Variants in KIRREL1 observed in about 807,000 individuals in gnomAD.
The protein encoded by KIRREL1 is kin of IRRE-like protein 1.
A neutral mutation model predicts 83.3 loss-of-function variants in KIRREL1; 25 were observed. That is an observed-to-expected ratio of 0.30 (90% CI 0.22 to 0.42). The LOEUF is 0.42. Ranked by LOEUF, KIRREL1 falls within the 10% of genes least tolerant of loss-of-function variation. The probability of loss-of-function intolerance (pLI) is 1.00; values close to 1 mark genes in which losing one functional copy is unlikely to be tolerated. For synonymous variants in KIRREL1, 388 were observed against 410.4 expected (o/e 0.95, Z 0.66); for missense variants, 812 against 1,032.3 (o/e 0.79, Z 2.92).
chr1:158,038,513 G>A (rs1436430654), intron 1 of KIRREL1, among the ~76,000 whole-genome samples: 1 of 128,394 alleles, frequency 7.8e-6, no homozygotes, highest in Non-Finnish European at 1.7e-5. Context: ...TTTTTTTGGA[G>A]GCAGGGTCTC....
intron 1 of KIRREL1, among the ~76,000 whole-genome samples, chr1:158,030,320 A>G (rs1196778864): frequency 6.6e-6 from 1 of 152,234 alleles, no homozygotes; most frequent in African/African-American, 2.4e-5. Context: ...TCACATACAC[A>G]TGCCATTCAG....
At chr1:158,019,539 A>G (rs1659942676) in intron 1 of KIRREL1, among the ~76,000 whole-genome samples, 1 of 152,078 alleles carries the variant, frequency 6.6e-6, no homozygotes, top group African/African-American at 2.4e-5. Context: ...AAGGCCACAG[A>G]CACATCCCAG....
chr1:158,083,710 A>G (rs1480981870), intron 3 of KIRREL1, among the ~76,000 whole-genome samples: 1 of 152,182 alleles, frequency 6.6e-6, no homozygotes, highest in Non-Finnish European at 1.5e-5. Context: ...GAGAAGTGCT[A>G]TGGAGGTAGC....
intron 1 of KIRREL1, among the ~76,000 whole-genome samples, chr1:158,023,892 A>G (rs1327254805): frequency 6.6e-6 from 1 of 152,132 alleles, no homozygotes; most frequent in East Asian, 1.9e-4. Flanking sequence ...TAAAATGGAG[A>G]TAGGAATGTG....
At chr1:158,081,054 C>T (rs1661838192) in intron 3 of KIRREL1, among the ~76,000 whole-genome samples, 1 of 142,046 alleles carries the variant, frequency 7.0e-6, no homozygotes, top group Non-Finnish European at 1.6e-5. Flanking sequence ...GGCCAGGGGC[C>T]CTCTTCACAA....
Position 158,094,877 on chromosome 1 carries a change from C to A in KIRREL1, c.2031C>A (p.Asp677Glu). 1 of 1,614,006 alleles carries A rather than the reference C, an allele frequency of 6.2e-7. No homozygotes were observed. The highest frequency in any genetic ancestry group is 8.5e-7 in the Non-Finnish European group (1 of 1,179,920). ...GCCCTGCTGCCCCAGCTGGCACTGA[C>A]ACAACCAGCCAGCTGTCCTACGAGA... ...PPGPAAPAGTDTTSQLSYENY... is the reference protein window; with the variant it reads ...PPGPAAPAGTETTSQLSYENY... The change falls in exon 15 of 15, where the codon GAC (aspartate) becomes GAA (glutamate). Residue 677 changes from aspartate (D) to glutamate (E), a missense_variant. By Grantham distance (45) the Asp-to-Glu change is conservative. This residue lies in a region of KIRREL1 where 334 missense variants were observed against 383.7 expected (regional missense o/e 0.87). Transcript: ENST00000359209. This position sits in a 1 kb window ranked among gnomAD's most constrained non-coding sequence, Gnocchi z 4.6.
chr1:158,086,767 A>G, intron 5 of KIRREL1, 21 bp downstream of exon 5: 4 of 1,506,588 alleles, frequency 2.7e-6, no homozygotes, highest in Non-Finnish European at 3.6e-6. Context: ...TGGGGGGAGC[A>G]GTCTGGAGCA....
At chr1:158,087,952 G>A in intron 6 of KIRREL1, 54 bp from the exon 7 acceptor site, 3 of 1,611,312 alleles carry the variant, frequency 1.9e-6, no homozygotes, top group Non-Finnish European at 2.5e-6. Context: ...TGTCATGGAT[G>A]TAGTTGAGAG....
intron 1 of KIRREL1, among the ~76,000 whole-genome samples, chr1:158,012,922 G>T (rs962492270): frequency 6.6e-6 from 1 of 152,250 alleles, no homozygotes; most frequent in African/African-American, 2.4e-5. Context: ...TACATTGGAG[G>T]ATGTTTAGCT....
intron 1 of KIRREL1, among the ~76,000 whole-genome samples, chr1:158,055,372 C>A (rs1255849292): frequency 6.6e-6 from 1 of 152,116 alleles, no homozygotes; most frequent in Non-Finnish European, 1.5e-5. Context: ...CGGGTTAAGT[C>A]CTTTACTTTT....
intron 1 of KIRREL1, among the ~76,000 whole-genome samples, chr1:158,000,782 T>C (rs2101620694): frequency 6.6e-6 from 1 of 152,276 alleles, no homozygotes; most frequent in East Asian, 1.9e-4. Context: ...TGAGCCCATT[T>C]AACAAAATAG....
At chr1:158,035,377 T>C (rs1170024546) in intron 1 of KIRREL1, among the ~76,000 whole-genome samples, 1 of 152,140 alleles carries the variant, frequency 6.6e-6, no homozygotes, top group Non-Finnish European at 1.5e-5. Flanking sequence ...TTTTTCCCCA[T>C]CTCTGGCATC....
intron 8 of KIRREL1, 148 bp from the exon 9 acceptor site, chr1:158,089,354 C>G: frequency 7.8e-7 from 1 of 1,284,734 alleles, no homozygotes; most frequent in Non-Finnish European, 1.1e-6. Flanking sequence ...GAGCATGGAC[C>G]AAAATGGACT....
intron 1 of KIRREL1, among the ~76,000 whole-genome samples, chr1:158,053,936 T>C (rs773922418): frequency 2.8e-4 from 41 of 149,052 alleles, no homozygotes; most frequent in Admixed American, 6.0e-4. Flanking sequence ...GGATGGGCCG[T>C]GTGCAGTGGC....
intron 1 of KIRREL1, among the ~76,000 whole-genome samples, chr1:158,048,137 T>C (rs767461495): frequency 5.3e-5 from 8 of 152,212 alleles, no homozygotes; most frequent in Non-Finnish European, 1.0e-4. Context: ...GTCCCTGGGT[T>C]CCTCTGATGT....
At chr1:158,093,864 T>C (rs1326460401) in intron 13 of KIRREL1, 102 bp downstream of exon 13, 7 of 1,295,584 alleles carry the variant, frequency 5.4e-6, no homozygotes, top group African/African-American at 1.5e-5. Flanking sequence ...CCTTCCTCAG[T>C]CGGTCTTCCC....
chr1:158,049,865 A>G (rs1660867773), intron 1 of KIRREL1, among the ~76,000 whole-genome samples: 1 of 152,144 alleles, frequency 6.6e-6, no homozygotes, highest in African/African-American at 2.4e-5. Flanking sequence ...GTCGGTGAGC[A>G]GAAAGACTAC....
intron 1 of KIRREL1, among the ~76,000 whole-genome samples, chr1:158,028,313 C>T (rs1411098278): frequency 6.6e-6 from 1 of 152,172 alleles, no homozygotes; most frequent in Non-Finnish European, 1.5e-5. Context: ...AGTTGGTCTG[C>T]CCTTGAATAA....
At position 158,100,060 on chromosome 1, in the gene KIRREL1, G is replaced by A. The variant is rs1033404399; in HGVS notation, c.*4940G>A. On this transcript the variant is annotated 3_prime_UTR_variant, in exon 15 of 15. Transcript: ENST00000359209. ...ATCCATGATGATAATTAAGAGAAGA[G>A]AAAAAAAGATATTATTTTTGTTAGG... 4.0e-5 allele frequency: 6 copies of A among 151,658 alleles called. No individual in the cohort carries two copies. The highest frequency in any genetic ancestry group is 1.5e-4 in the African/African-American group (6 of 41,290). 9.4% of individuals were successfully genotyped at this position (151,658 alleles called of 1,614,324 possible). A position where few individuals can be genotyped will look rare whatever the true frequency, so the allele number is the denominator to read the frequency against.
Sources: allele counts gnomAD v4.1 joint callset (sites outside exome capture counted in the v4.1 genomes callset), GRCh38; gene constraint gnomAD v4.1.1; regional missense constraint gnomAD v4.1.1; non-coding constraint Gnocchi (gnomAD v3.1); transcripts MANE v1.5; gene names NCBI Gene and HGNC (gene_info 2026-07-23, HGNC 2026-07-21).